Variants in CHST8 observed in about 807,000 individuals in gnomAD.
The protein encoded by CHST8 is carbohydrate sulfotransferase 8, also known as GALNAC-4-ST1.
A neutral mutation model predicts 15.0 loss-of-function variants in CHST8; 10 were observed. That is an observed-to-expected ratio of 0.67 (90% CI 0.41 to 1.13). CHST8 has a LOEUF of 1.13. Among genes scored for constraint, CHST8 ranks in the 50% most tolerant of loss-of-function variants. The probability of loss-of-function intolerance (pLI) is 0.00; values close to 1 mark genes in which losing one functional copy is unlikely to be tolerated. For missense variants in CHST8, 634 were observed against 608.2 expected, an observed-to-expected ratio of 1.04 and a Z score of -0.45; for synonymous variants, 259 against 256.6, an observed-to-expected ratio of 1.01 and a Z score of -0.09.
intron 3 of CHST8, among the ~76,000 whole-genome samples, chr19:33,738,300 G>A (rs952775010): frequency 1.3e-5 from 2 of 152,184 alleles, no homozygotes; most frequent in Non-Finnish European, 2.9e-5. Flanking sequence ...TTAATTGGGA[G>A]AATGGAACAA....
Position 33,700,064 on chromosome 19 carries a change from C to T in CHST8, c.130+10673C>T, listed in dbSNP as rs114773927. Among the ~76,000 whole-genome samples the T allele has an allele frequency of 4.6e-3, 694 of 152,288 alleles. 8 individuals are homozygous for T. Among genetic ancestry groups the T allele is most frequent in the African/African-American group, 0.015 (616 of 41,550 alleles). ...TCTACTGGCCCTCTCAGAGAGAGTC[C>T]GGTCCTCGCGCAGCTGGGCGTCTAA... On this transcript the variant is annotated intron_variant, in intron 3 of 4. Transcript: ENST00000650847.
intron 3 of CHST8, among the ~76,000 whole-genome samples, chr19:33,742,788 C>G (rs926601317): frequency 6.6e-6 from 1 of 152,170 alleles, no homozygotes. Flanking sequence ...CTCCATAGCT[C>G]TCTGCAGATC....
At chr19:33,713,176 A>G (rs1398294669) in intron 3 of CHST8, among the ~76,000 whole-genome samples, 2 of 152,154 alleles carry the variant, frequency 1.3e-5, no homozygotes, top group Non-Finnish European at 2.9e-5. Flanking sequence ...GCTCACTGTC[A>G]TCCCAAGACC....
At chr19:33,734,078 A>G (rs947033020) in intron 3 of CHST8, among the ~76,000 whole-genome samples, 2 of 152,232 alleles carry the variant, frequency 1.3e-5, no homozygotes, top group Non-Finnish European at 2.9e-5. Flanking sequence ...AAGTCACAGG[A>G]TAAGATAGAA....
intron 3 of CHST8, among the ~76,000 whole-genome samples, chr19:33,726,168 G>A (rs891207628): frequency 2.6e-5 from 4 of 152,318 alleles, no homozygotes; most frequent in East Asian, 1.9e-4. Flanking sequence ...GGCCAGGAGT[G>A]GAAGGTGTGG....
At chr19:33,769,700 C>G (rs1428793734) in intron 3 of CHST8, among the ~76,000 whole-genome samples, 1 of 152,062 alleles carries the variant, frequency 6.6e-6, no homozygotes, top group Non-Finnish European at 1.5e-5. Context: ...AGGCCAGGCA[C>G]CTGCTACTTA....
Position 33,698,458 on chromosome 19 carries a change from G to A in CHST8, c.130+9067G>A, listed in dbSNP as rs146463855. On this transcript the variant is annotated intron_variant, in intron 3 of 4. Transcript: ENST00000650847. ...TCTGGTGGCTGCCTGTTGTGTGGCC[G>A]TGGGCAGAGAGCAGACAGGGAGAGG... Among the ~76,000 whole-genome samples, 1,449 of 152,120 alleles carry A rather than the reference G, an allele frequency of 9.5e-3. 15 individuals are homozygous for A. Among genetic ancestry groups the A allele is most frequent in the Non-Finnish European group, 0.014 (958 of 67,980 alleles).
chr19:33,730,584 A>AGGGTTATT (rs1461060877), intron 3 of CHST8, among the ~76,000 whole-genome samples: 1 of 152,168 alleles, frequency 6.6e-6, no homozygotes, highest in East Asian at 1.9e-4. Context: ...ACCCCAAGAG[A>AGGGTTATT]GGGTTATTGG....
intron 3 of CHST8, among the ~76,000 whole-genome samples, chr19:33,716,044 AAC>A (rs1973659816): frequency 6.6e-6 from 1 of 152,204 alleles, no homozygotes; most frequent in African/African-American, 2.4e-5. Flanking sequence ...CAAAAACAAA[AAC>A]AGTCTGTTTT....
At chr19:33,697,947 G>C (rs1236434396) in intron 3 of CHST8, among the ~76,000 whole-genome samples, 2 of 152,174 alleles carry the variant, frequency 1.3e-5, no homozygotes, top group East Asian at 3.9e-4. Context: ...GCAACAAGGA[G>C]CTCTGGGGAC....
intron 3 of CHST8, among the ~76,000 whole-genome samples, chr19:33,749,880 G>T (rs1406154696): frequency 6.6e-6 from 1 of 152,222 alleles, no homozygotes; most frequent in Admixed American, 6.5e-5. Flanking sequence ...GCTCATGAAA[G>T]GGTCCGGGTC....
intron 2 of CHST8, among the ~76,000 whole-genome samples, chr19:33,673,942 C>A (rs777274941): frequency 6.6e-6 from 1 of 152,064 alleles, no homozygotes; most frequent in Non-Finnish European, 1.5e-5. Context: ...TTAGTAGATA[C>A]GGGGTTTCGC....
intron 3 of CHST8, among the ~76,000 whole-genome samples, chr19:33,715,527 A>C (rs1973650185): frequency 6.6e-6 from 1 of 152,256 alleles, no homozygotes; most frequent in South Asian, 2.1e-4. Flanking sequence ...GCATCCCAGC[A>C]TGCTTCTGGT....
chr19:33,649,901 A>C (rs893772754), intron 1 of CHST8, among the ~76,000 whole-genome samples: 1 of 152,150 alleles, frequency 6.6e-6, no homozygotes, highest in African/African-American at 2.4e-5. Context: ...TTTATCTCCA[A>C]ACCAGTGCTT....
At chr19:33,655,236 C>T (rs1440758050) in intron 1 of CHST8, among the ~76,000 whole-genome samples, 1 of 152,110 alleles carries the variant, frequency 6.6e-6, no homozygotes, top group African/African-American at 2.4e-5. Context: ...AGGGTTTTGC[C>T]ATGTTGACCA....
At chr19:33,754,668 T>C (rs916626716) in intron 3 of CHST8, among the ~76,000 whole-genome samples, 2 of 152,188 alleles carry the variant, frequency 1.3e-5, no homozygotes, top group Non-Finnish European at 2.9e-5. Context: ...GCATGCCCGC[T>C]CCAGCCTCTG....
intron 3 of CHST8, among the ~76,000 whole-genome samples, chr19:33,765,775 G>A (rs1325181488): frequency 6.6e-6 from 1 of 152,068 alleles, no homozygotes; most frequent in Non-Finnish European, 1.5e-5. Context: ...TGGCCAGGAT[G>A]GTCTTGATCT....
In CHST8 at chr19:33,757,506, G is replaced by T. The variant is rs200080304; in HGVS notation, c.131-13907G>T. On this transcript the variant is annotated intron_variant, in intron 3 of 4. Coordinates refer to ENST00000650847, the MANE Select transcript of CHST8 (RefSeq NM_001127895.2). Reference sequence around the variant, plus strand: ...AGAAAGAAAGAAAGAAAGAAAGAAAGAAAGAAAGAAAGAAAGAGAAAGAAA... The same window carrying T: ...AGAAAGAAAGAAAGAAAGAAAGAAATAAAGAAAGAAAGAAAGAGAAAGAAA... Among the ~76,000 whole-genome samples, 223 of 47,050 alleles carry T rather than the reference G, an allele frequency of 4.7e-3. 24 individuals are homozygous for T. Among genetic ancestry groups the T allele is most frequent in the Admixed American group, 0.014 (56 of 4,098 alleles). 30.9% of individuals were successfully genotyped at this position (47,050 alleles called of 152,430 possible). A position where few individuals can be genotyped will look rare whatever the true frequency, so the allele number is the denominator to read the frequency against.
At chr19:33,624,206 A>G (rs575599730) in intron 1 of CHST8, among the ~76,000 whole-genome samples, 42 of 152,350 alleles carry the variant, frequency 2.8e-4, no homozygotes, top group African/African-American at 1.0e-3. Context: ...GTCAAGGATT[A>G]ATTATTTATC....
Sources: allele counts gnomAD v4.1 joint callset (sites outside exome capture counted in the v4.1 genomes callset), GRCh38; gene constraint gnomAD v4.1.1; transcripts MANE v1.5; gene names NCBI Gene and HGNC (gene_info 2026-07-23, HGNC 2026-07-21).